Variants in VPS13B observed in about 807,000 individuals in gnomAD.
VPS13B encodes the protein intermembrane lipid transfer protein VPS13B.
VPS13B carries 285 observed loss-of-function variants against 426.4 expected under a neutral mutation model. That is an observed-to-expected ratio of 0.67 (90% CI 0.61 to 0.74). The LOEUF is 0.74. VPS13B is among the 30% of genes least tolerant of loss of function. The pLI is 0.00. For missense variants in VPS13B, 4,537 were observed against 4,782.6 expected (o/e 0.95, Z 1.51); for synonymous variants, 1,676 against 1,676.4 (o/e 1.00, Z 0.01).
intron 3 of VPS13B, among the ~76,000 whole-genome samples, chr8:99,047,598 C>A (rs1016310541): frequency 1.3e-5 from 2 of 152,054 alleles, no homozygotes; most frequent in Non-Finnish European, 2.9e-5. Flanking sequence ...CGTTCTCTAG[C>A]TCCTTGAGGT....
At chr8:99,424,360 A>G (rs1816563866) in intron 21 of VPS13B, 1 of 151,918 alleles carries the variant, frequency 6.6e-6, no homozygotes, top group Admixed American at 6.6e-5. Context: ...TTGACTGTTT[A>G]TCCAATTTGC....
intron 31 of VPS13B, among the ~76,000 whole-genome samples, chr8:99,572,182 A>G (rs1384543575): frequency 6.6e-6 from 1 of 152,234 alleles, no homozygotes; most frequent in Non-Finnish European, 1.5e-5. Flanking sequence ...ACATAAATGT[A>G]TTATTAGTTG....
intron 17 of VPS13B, among the ~76,000 whole-genome samples, chr8:99,220,812 A>T (rs1367235923): frequency 1.8e-5 from 2 of 109,142 alleles, no homozygotes; most frequent in Non-Finnish European, 3.6e-5. Context: ...TTATACTCTA[A>T]GTTTTAGGGT....
chr8:99,390,279 A>G (rs1814364119), intron 20 of VPS13B, among the ~76,000 whole-genome samples: 1 of 151,394 alleles, frequency 6.6e-6, no homozygotes, highest in Non-Finnish European at 1.5e-5. Flanking sequence ...TTGTTTTTGT[A>G]TTTTTAGTAG....
intron 16 of VPS13B, among the ~76,000 whole-genome samples, chr8:99,179,933 C>G (rs771857887): frequency 3.3e-5 from 5 of 152,028 alleles, no homozygotes; most frequent in Non-Finnish European, 5.9e-5. Context: ...AAAACTTACT[C>G]TTGGCCAAAG....
At chr8:99,863,137 C>G (rs1405527736) in intron 58 of VPS13B, among the ~76,000 whole-genome samples, 1 of 152,066 alleles carries the variant, frequency 6.6e-6, no homozygotes, top group East Asian at 1.9e-4. Flanking sequence ...TATATTGGGC[C>G]TGGTGATACC....
intron 33 of VPS13B, among the ~76,000 whole-genome samples, chr8:99,636,792 C>T (rs1181409058): frequency 6.6e-6 from 1 of 152,020 alleles, no homozygotes; most frequent in African/African-American, 2.4e-5. Flanking sequence ...CAGTAATATG[C>T]ATTTAATTCT....
intron 1 of VPS13B, 120 bp from the exon 2 acceptor site, chr8:99,013,640 G>T: frequency 2.3e-6 from 2 of 878,156 alleles, no homozygotes; most frequent in Admixed American, 4.1e-5. Context: ...GTTTTTCTCT[G>T]TTTCTAAGAG....
At chr8:99,271,218 CT>C (rs1818580399) in intron 17 of VPS13B, among the ~76,000 whole-genome samples, 1 of 150,102 alleles carries the variant, frequency 6.7e-6, no homozygotes, top group African/African-American at 2.5e-5. Flanking sequence ...ACTACTACTA[CT>C]ACTACTACTA....
chr8:99,622,260 CA>C (rs1220981098), intron 33 of VPS13B, among the ~76,000 whole-genome samples: 3 of 152,070 alleles, frequency 2.0e-5, no homozygotes. Context: ...GTATTTTCTC[CA>C]GTTTATGTTG....
chr8:99,091,566 T>C (rs966532045), intron 3 of VPS13B, among the ~76,000 whole-genome samples: 2 of 152,174 alleles, frequency 1.3e-5, no homozygotes, highest in Non-Finnish European at 2.9e-5. Context: ...AAGTTAAGGT[T>C]TTAAATATTG....
chr8:99,626,629 A>C (rs1828624424), intron 33 of VPS13B, among the ~76,000 whole-genome samples: 1 of 152,250 alleles, frequency 6.6e-6, no homozygotes, highest in South Asian at 2.1e-4. Context: ...AATTATATCA[A>C]GGGTAACAAG....
In VPS13B at chr8:99,147,827, C is replaced by T. The variant is rs756456382; in HGVS notation, c.1844-14C>T. ...AAAATATTCTTTATTAATTTTTTATCATTTTAATTTTAGATATTAAGGATG... is the reference window on the plus strand; with the variant it reads ...AAAATATTCTTTATTAATTTTTTATTATTTTAATTTTAGATATTAAGGATG... On this transcript the variant is annotated splice_polypyrimidine_tract_variant and intron_variant, in intron 13 of 61. Transcript: ENST00000357162. 2.1e-6 allele frequency: 3 copies of T among 1,420,380 alleles called. No homozygotes were observed. The highest frequency in any genetic ancestry group is 2.8e-6 in the Non-Finnish European group (3 of 1,072,372). 88.0% of individuals were successfully genotyped at this position (1,420,380 alleles called of 1,614,324 possible).
At chr8:99,530,630 A>AATAGTAGCAGCAGCAG (rs1554833773) in intron 30 of VPS13B, among the ~76,000 whole-genome samples, 2 of 151,474 alleles carry the variant, frequency 1.3e-5, no homozygotes, top group Non-Finnish European at 2.9e-5. Flanking sequence ...AAAAAAAAAA[A>AATAGTAGCAGCAGCAG]TAGTAGCAGC....
intron 19 of VPS13B, chr8:99,341,771 A>AC (rs2133187181): frequency 5.2e-6 from 2 of 384,142 alleles, no homozygotes; most frequent in Non-Finnish European, 1.1e-5. Flanking sequence ...TCTGGGTCAA[A>AC]CCCCCAGGCG....
chr8:99,576,625 C>T lies in VPS13B; in HGVS notation c.5076+841C>T, dbSNP rs1606181. ...CTTAAATCCATTCCTCTGGATGATA[C>T]TATAAGGGGAAGATCTGTTGGACAT... On this transcript the variant is annotated intron_variant, in intron 32 of 61. Transcript: ENST00000357162. Among the ~76,000 whole-genome samples, 693 of 152,210 alleles carry T rather than the reference C, an allele frequency of 4.6e-3. 2 individuals carry two copies. The highest frequency in any genetic ancestry group is 0.01 in the Middle Eastern group (3 of 294).
At chr8:99,643,494 G>A (rs561174033) in intron 34 of VPS13B, among the ~76,000 whole-genome samples, 1 of 152,238 alleles carries the variant, frequency 6.6e-6, no homozygotes, top group Admixed American at 6.5e-5. Flanking sequence ...GAGGAAATAG[G>A]ATCAAAGGAG....
chr8:99,221,009 A>G (rs1407562063), intron 17 of VPS13B, among the ~76,000 whole-genome samples: 5 of 91,586 alleles, frequency 5.5e-5, no homozygotes, highest in South Asian at 4.7e-4. Context: ...TCATTGTTCA[A>G]TTCCCACCTA....
intron 19 of VPS13B, among the ~76,000 whole-genome samples, chr8:99,315,122 A>AT (rs1038196418): frequency 2.6e-5 from 4 of 152,018 alleles, no homozygotes; most frequent in Admixed American, 1.3e-4. Flanking sequence ...TTAAAAATTT[A>AT]TTTTTTTGTT....
Sources: allele counts gnomAD v4.1 joint callset (sites outside exome capture counted in the v4.1 genomes callset), GRCh38; gene constraint gnomAD v4.1.1; transcripts MANE v1.5; gene names NCBI Gene and HGNC (gene_info 2026-07-23, HGNC 2026-07-21).